TCF7L1: variants seen among roughly 807,000 people sequenced by gnomAD.
TCF7L1 encodes the protein transcription factor 7-like 1.
A neutral mutation model predicts 63.7 loss-of-function variants in TCF7L1; 18 were observed. That is an observed-to-expected ratio of 0.28 (90% CI 0.20 to 0.42). The LOEUF is 0.42. Among genes scored for constraint, TCF7L1 ranks in the 10% least tolerant of loss-of-function variants. The pLI, the probability that TCF7L1 is intolerant of heterozygous loss-of-function variation, is 1.00. For synonymous variants in TCF7L1, 355 were observed against 340.9 expected (o/e 1.04, Z -0.46); for missense variants, 654 against 779.3 (o/e 0.84, Z 1.91).
chr2:85,144,417 CAAA>C (rs55964315), intron 3 of TCF7L1, among the ~76,000 whole-genome samples: 3 of 95,040 alleles, frequency 3.2e-5, no homozygotes, highest in Non-Finnish European at 4.3e-5. Context: ...CCTGTCTCTA[CAAA>C]AAAAAAAAAA....
intron 4 of TCF7L1, among the ~76,000 whole-genome samples, chr2:85,286,643 G>A (rs1681565481): frequency 6.6e-6 from 1 of 152,228 alleles, no homozygotes; most frequent in South Asian, 2.1e-4. Flanking sequence ...TTACAGGCAT[G>A]TGCCACTATG....
At chr2:85,239,944 T>TAAAA (rs11337671) in intron 3 of TCF7L1, among the ~76,000 whole-genome samples, 89 of 104,366 alleles carry the variant, frequency 8.5e-4, no homozygotes, top group African/African-American at 3.0e-3. Flanking sequence ...AGACTCCATC[T>TAAAA]AAAAAAAAAA....
At chr2:85,237,015 A>C (rs1238096352) in intron 3 of TCF7L1, among the ~76,000 whole-genome samples, 4 of 152,186 alleles carry the variant, frequency 2.6e-5, no homozygotes. Context: ...ATTAGTCTGA[A>C]ATAGGATGCT....
rs367576207 is a variant in TCF7L1 at position 85,289,124 on chromosome 2, C to A, written c.525+5546C>A. Among the ~76,000 whole-genome samples the A allele has an allele frequency of 3.2e-4, 48 of 152,188 alleles. No homozygotes were observed. In the East Asian group the frequency reaches 5.8e-3, roughly 18 times the overall value. Reference sequence around the variant, plus strand: ...TTTGAAACCGTAAAAGTAATGCATGCACTGTGTAGAACTCTTGGGAAAATG... The same window carrying A: ...TTTGAAACCGTAAAAGTAATGCATGAACTGTGTAGAACTCTTGGGAAAATG... On this transcript the variant is annotated intron_variant, in intron 4 of 11. Coordinates refer to ENST00000282111, the MANE Select transcript of TCF7L1 (RefSeq NM_031283.3).
At chr2:85,260,660 CA>C (rs916579703) in intron 3 of TCF7L1, among the ~76,000 whole-genome samples, 2 of 149,138 alleles carry the variant, frequency 1.3e-5, no homozygotes, top group African/African-American at 4.9e-5. Flanking sequence ...AAAAAACAGA[CA>C]AATAGACCTT....
chr2:85,245,932 A>G (rs550323304), intron 3 of TCF7L1, among the ~76,000 whole-genome samples: 1 of 152,148 alleles, frequency 6.6e-6, no homozygotes, highest in Admixed American at 6.5e-5. Flanking sequence ...TGGGCAGTGC[A>G]GTGCCGGTTT....
chr2:85,222,669 CAAAAAA>C (rs60020804), intron 3 of TCF7L1, among the ~76,000 whole-genome samples: 1 of 58,228 alleles, frequency 1.7e-5, no homozygotes, highest in East Asian at 5.1e-4. Context: ...GACCCCATCT[CAAAAAA>C]AAAAAAAAAA....
chr2:85,253,750 C>T (rs1292225828), intron 3 of TCF7L1, among the ~76,000 whole-genome samples: 2 of 152,234 alleles, frequency 1.3e-5, no homozygotes, highest in Admixed American at 1.3e-4. Flanking sequence ...ACTCCAGGCC[C>T]TGTGCATGCT....
intron 3 of TCF7L1, among the ~76,000 whole-genome samples, chr2:85,226,058 T>G (rs1679947758): frequency 6.6e-6 from 1 of 152,260 alleles, no homozygotes; most frequent in Admixed American, 6.5e-5. Flanking sequence ...TCGTTGGTTC[T>G]GTTTATGTGA....
intron 3 of TCF7L1, among the ~76,000 whole-genome samples, chr2:85,160,109 T>C (rs1678252133): frequency 6.6e-6 from 1 of 152,250 alleles, no homozygotes; most frequent in South Asian, 2.1e-4. Flanking sequence ...GTATACAGTT[T>C]ACGAGTTTTA....
intron 4 of TCF7L1, among the ~76,000 whole-genome samples, chr2:85,302,046 G>A (rs1270498175): frequency 6.6e-6 from 1 of 151,996 alleles, no homozygotes; most frequent in Non-Finnish European, 1.5e-5. Context: ...GAGAATTGCT[G>A]GAATCCGGGA....
Position 85,252,603 on chromosome 2 carries a change from C to T in TCF7L1, c.442-30892C>T, listed in dbSNP as rs116131980. ...GGGGAAATAAAAGACCACAAAAGAG[C>T]GGTGTGTTTTGAAGGAATGAATGTT... On this transcript the variant is annotated intron_variant, in intron 3 of 11. Coordinates refer to ENST00000282111, the MANE Select transcript of TCF7L1 (RefSeq NM_031283.3). Among the ~76,000 whole-genome samples, 994 of 152,290 alleles carry T rather than the reference C, an allele frequency of 6.5e-3. 9 individuals are homozygous for T. Among genetic ancestry groups the T allele is most frequent in the African/African-American group, 0.022 (917 of 41,548 alleles).
chr2:85,268,832 A>G (rs1282277964), intron 3 of TCF7L1, among the ~76,000 whole-genome samples: 1 of 151,622 alleles, frequency 6.6e-6, no homozygotes, highest in Non-Finnish European at 1.5e-5. Context: ...AAGCGAGGAA[A>G]TGAGCCTGGC....
At chr2:85,138,231 C>T (rs1574074466) in intron 3 of TCF7L1, among the ~76,000 whole-genome samples, 1 of 152,132 alleles carries the variant, frequency 6.6e-6, no homozygotes, top group African/African-American at 2.4e-5. Flanking sequence ...ATGAAATTGT[C>T]CTGGTCCTCA....
At chr2:85,187,882 A>G (rs1282130987) in intron 3 of TCF7L1, among the ~76,000 whole-genome samples, 1 of 152,214 alleles carries the variant, frequency 6.6e-6, no homozygotes, top group Non-Finnish European at 1.5e-5. Flanking sequence ...TCTGGAAACT[A>G]TCCAGATGTT....
intron 3 of TCF7L1, among the ~76,000 whole-genome samples, chr2:85,155,273 T>C (rs1209324328): frequency 1.3e-5 from 2 of 152,094 alleles, no homozygotes; most frequent in East Asian, 3.9e-4. Context: ...CTCTGTAAAA[T>C]GGACCAATCA....
intron 3 of TCF7L1, among the ~76,000 whole-genome samples, chr2:85,256,174 CTGGCTTCGA>C (rs1680712309): frequency 6.6e-6 from 1 of 152,222 alleles, no homozygotes; most frequent in Admixed American, 6.5e-5. Flanking sequence ...CGGGCAGTTT[CTGGCTTCGA>C]TGTGCTTTGG....
At chr2:85,153,996 G>C (rs1281949312) in intron 3 of TCF7L1, among the ~76,000 whole-genome samples, 1 of 152,182 alleles carries the variant, frequency 6.6e-6, no homozygotes, top group Non-Finnish European at 1.5e-5. Context: ...ATTACTGGTG[G>C]TTGTTCATTT....
intron 3 of TCF7L1, among the ~76,000 whole-genome samples, chr2:85,140,274 C>T (rs1430926623): frequency 6.6e-6 from 1 of 152,134 alleles, no homozygotes; most frequent in Non-Finnish European, 1.5e-5. Context: ...ATGAGAGGCT[C>T]TCATTGGGAG....
Sources: allele counts gnomAD v4.1 joint callset (sites outside exome capture counted in the v4.1 genomes callset), GRCh38; gene constraint gnomAD v4.1.1; transcripts MANE v1.5; gene names NCBI Gene and HGNC (gene_info 2026-07-23, HGNC 2026-07-21).